Variants in TEAD1 observed in about 807,000 individuals in gnomAD.
TEAD1 encodes transcriptional enhancer factor TEF-1.
In TEAD1, 9 loss-of-function variants were observed where a neutral mutation model predicts 54.9. That is an observed-to-expected ratio of 0.16 (90% CI 0.10 to 0.29). The LOEUF (loss-of-function observed/expected upper bound fraction) is 0.29. TEAD1 is among the 10% of genes least tolerant of loss of function. The pLI, the probability that TEAD1 is intolerant of heterozygous loss-of-function variation, is 1.00. For missense variants in TEAD1, 387 were observed against 535.9 expected (o/e 0.72, Z 2.74); for synonymous variants, 200 against 187.8 (o/e 1.07, Z -0.53).
chr11:12,900,683 G>A (rs1201139650), intron 9 of TEAD1, among the ~76,000 whole-genome samples: 1 of 152,060 alleles, frequency 6.6e-6, no homozygotes, highest in Non-Finnish European at 1.5e-5. Context: ...AAGTTCCATG[G>A]ACTGTACATT....
At chr11:12,765,906 C>T (rs1945199061) in intron 3 of TEAD1, among the ~76,000 whole-genome samples, 1 of 152,228 alleles carries the variant, frequency 6.6e-6, no homozygotes, top group South Asian at 2.1e-4. Flanking sequence ...GTCTCTTCAT[C>T]TCAGCCTGGC....
intron 9 of TEAD1, among the ~76,000 whole-genome samples, chr11:12,895,333 CATTTCTCCA>C (rs1381613448): frequency 3.3e-5 from 5 of 152,138 alleles, no homozygotes; most frequent in Non-Finnish European, 7.4e-5. Flanking sequence ...AGAAAATGGA[CATTTCTCCA>C]AGTCAAAATA....
At chr11:12,894,020 G>A (rs748312724) in intron 9 of TEAD1, among the ~76,000 whole-genome samples, 1 of 152,192 alleles carries the variant, frequency 6.6e-6, no homozygotes. Context: ...GGGGTAGGTG[G>A]ACAGACATTC....
At chr11:12,732,856 C>T (rs1374356693) in intron 2 of TEAD1, among the ~76,000 whole-genome samples, 1 of 152,184 alleles carries the variant, frequency 6.6e-6, no homozygotes, top group Admixed American at 6.5e-5. Context: ...TGCTTCTTTT[C>T]TGCGAGATAT....
intron 2 of TEAD1, among the ~76,000 whole-genome samples, chr11:12,678,238 G>T (rs980018916): frequency 6.6e-6 from 1 of 152,158 alleles, no homozygotes; most frequent in Non-Finnish European, 1.5e-5. Context: ...TGTTAAATGC[G>T]AGCGTTACAG....
intron 2 of TEAD1, among the ~76,000 whole-genome samples, chr11:12,739,788 C>T (rs577924618): frequency 1.9e-4 from 27 of 145,912 alleles, no homozygotes; most frequent in Middle Eastern, 3.4e-3. Context: ...TGCCAGACAT[C>T]GGGCTAGTTG....
chr11:12,785,925 G>A (rs923290487), intron 3 of TEAD1, among the ~76,000 whole-genome samples: 2 of 152,128 alleles, frequency 1.3e-5, no homozygotes, highest in African/African-American at 4.8e-5. Context: ...TCTCTTGCAC[G>A]TAGCGTAAGA....
At position 12,821,961 on chromosome 11, in the gene TEAD1, CTTTTTT is replaced by C. The variant is rs10700151; in HGVS notation, c.203-40274_203-40269del. Among the ~76,000 whole-genome samples the C allele has an allele frequency of 9.3e-3, 634 of 68,068 alleles. 14 individuals are homozygous for C. Among genetic ancestry groups the C allele is most frequent in the Admixed American group, 0.021 (81 of 3,872 alleles). 44.7% of individuals were successfully genotyped at this position (68,068 alleles called of 152,430 possible). On this transcript the variant is annotated intron_variant, in intron 3 of 12. Coordinates refer to ENST00000527636, the MANE Select transcript of TEAD1 (RefSeq NM_021961.6). Reference sequence around the variant, plus strand: ...TACTCTCTCTCCTTTTTCTCTTTTCCTTTTTTTTTTTTTTTTTTTTGAGACAGAGTC... The same window carrying C: ...TACTCTCTCTCCTTTTTCTCTTTTCCTTTTTTTTTTTTTTGAGACAGAGTC...
rs537529318 is a variant in TEAD1, at chr11:12,941,942, G to A, written c.*4720G>A. On this transcript the variant is annotated 3_prime_UTR_variant, in exon 13 of 13. Coordinates refer to ENST00000527636, the MANE Select transcript of TEAD1 (RefSeq NM_021961.6). ...ACACCAATTCCTAATGTTCATTTACGAATTGGCCCAATATTGGAAACAAAA... is the reference window on the plus strand; with the variant it reads ...ACACCAATTCCTAATGTTCATTTACAAATTGGCCCAATATTGGAAACAAAA... The A allele has an allele frequency of 2.6e-5, 4 of 152,590 alleles. No homozygotes were observed. The highest frequency in any genetic ancestry group is 6.5e-5 in the Admixed American group (1 of 15,280). 9.5% of individuals were successfully genotyped at this position (152,590 alleles called of 1,614,324 possible).
At chr11:12,886,252 C>T (rs975135820) in intron 9 of TEAD1, among the ~76,000 whole-genome samples, 2 of 152,104 alleles carry the variant, frequency 1.3e-5, no homozygotes, top group Non-Finnish European at 2.9e-5. Flanking sequence ...GTTTCAGGTA[C>T]GTTCAGGATA....
At chr11:12,863,047 A>G (rs1231263912) in intron 4 of TEAD1, among the ~76,000 whole-genome samples, 1 of 152,050 alleles carries the variant, frequency 6.6e-6, no homozygotes, top group Non-Finnish European at 1.5e-5. Context: ...AACCCTAAAA[A>G]CCTCATGGGT....
chr11:12,881,855 A>G (rs1175139945), intron 7 of TEAD1, 41 bp from the exon 8 acceptor site: 1 of 1,608,514 alleles, frequency 6.2e-7, no homozygotes, highest in Non-Finnish European at 8.5e-7. Context: ...CCTGCTGCAG[A>G]TGCGATCTCT....
intron 3 of TEAD1, among the ~76,000 whole-genome samples, chr11:12,813,583 G>C (rs11601197): frequency 0.064 from 9,756 of 152,300 alleles, 448 homozygotes; most frequent in Non-Finnish European, 0.099. Flanking sequence ...CTGGAAATAT[G>C]AGGAGCCCAG....
intron 2 of TEAD1, among the ~76,000 whole-genome samples, chr11:12,694,751 C>T (rs1425246358): frequency 2.0e-5 from 3 of 152,102 alleles, no homozygotes; most frequent in African/African-American, 7.2e-5. Flanking sequence ...TTTTTCTACG[C>T]TAATTGGTGT....
intron 3 of TEAD1, among the ~76,000 whole-genome samples, chr11:12,835,063 A>T (rs1394200197): frequency 6.6e-6 from 1 of 152,104 alleles, no homozygotes; most frequent in Non-Finnish European, 1.5e-5. Context: ...TATCACTTTC[A>T]TGGGGTTCAG....
intron 9 of TEAD1, among the ~76,000 whole-genome samples, chr11:12,890,165 C>T (rs1475626442): frequency 6.6e-6 from 1 of 152,204 alleles, no homozygotes; most frequent in African/African-American, 2.4e-5. Flanking sequence ...AGCTCTACCT[C>T]CAAAAACGGT....
At chr11:12,926,424 G>C (rs1349260201) in intron 11 of TEAD1, among the ~76,000 whole-genome samples, 1 of 152,204 alleles carries the variant, frequency 6.6e-6, no homozygotes, top group South Asian at 2.1e-4. Flanking sequence ...AATCCTGTAA[G>C]ATGTTTTGAA....
chr11:12,797,218 C>G (rs954125346), intron 3 of TEAD1, among the ~76,000 whole-genome samples: 4 of 152,238 alleles, frequency 2.6e-5, no homozygotes, highest in African/African-American at 7.2e-5. Context: ...TCAACATAGA[C>G]TTGAAGAAGG....
chr11:12,919,981 C>T (rs918296905), intron 10 of TEAD1, among the ~76,000 whole-genome samples: 1 of 152,088 alleles, frequency 6.6e-6, no homozygotes, highest in Non-Finnish European at 1.5e-5. Flanking sequence ...GCTCCTTGTT[C>T]CAGTGGTTAA....
Sources: allele counts gnomAD v4.1 joint callset (sites outside exome capture counted in the v4.1 genomes callset), GRCh38; gene constraint gnomAD v4.1.1; transcripts MANE v1.5; gene names NCBI Gene and HGNC (gene_info 2026-07-23, HGNC 2026-07-21).